The following PCDHA13 variants were observed in gnomAD, a reference collection of about 807,000 sequenced individuals.
PCDHA13 encodes protocadherin alpha 13, also known as protocadherin alpha-13.
PCDHA13 carries 54 observed loss-of-function variants against 64.8 expected under a neutral mutation model. That is an observed-to-expected ratio of 0.83 (90% CI 0.67 to 1.04). The LOEUF (loss-of-function observed/expected upper bound fraction) is 1.04, where lower values mean the gene tolerates loss of function less well. Ranked by LOEUF, PCDHA13 falls within the 50% of genes least tolerant of loss-of-function variation. The pLI is 0.00. For missense variants in PCDHA13, 1,248 were observed against 1,254.3 expected (o/e 0.99, Z 0.08); for synonymous variants, 587 against 564.4 (o/e 1.04, Z -0.57).
intron 3 of PCDHA13, among the ~76,000 whole-genome samples, chr5:141,003,222 G>A (rs1221950770): frequency 2.6e-5 from 4 of 152,224 alleles, no homozygotes; most frequent in Non-Finnish European, 4.4e-5. Flanking sequence ...CATGAAAGAG[G>A]AAAGCTGGAA....
Position 140,968,348 on chromosome 5 carries a change from A to G in PCDHA13, c.2395-10601A>G, listed in dbSNP as rs782567344. The stretch of plus-strand genomic sequence containing the variant: ...CTCCTATGTCTCCATTAACAGTGCC[A>G]GTGGCAGCCTTTATGCTGTCAACTC... On this transcript the variant is annotated intron_variant, in intron 1 of 3. Coordinates refer to ENST00000289272, the MANE Select transcript of PCDHA13 (RefSeq NM_018904.3). 1 of 1,614,124 alleles carries G rather than the reference A, an allele frequency of 6.2e-7. No individual in the cohort carries two copies. The highest frequency in any genetic ancestry group is 2.2e-5 in the East Asian group (1 of 44,886).
intron 1 of PCDHA13, chr5:140,967,882 C>T (rs1323816592): frequency 1.2e-6 from 2 of 1,614,108 alleles, no homozygotes. Context: ...ACCTGTATAG[C>T]CCAGTGCCTG....
intron 3 of PCDHA13, among the ~76,000 whole-genome samples, chr5:141,008,968 T>C (rs1241825350): frequency 6.6e-6 from 1 of 152,256 alleles, no homozygotes; most frequent in Non-Finnish European, 1.5e-5. Flanking sequence ...AATACATTTA[T>C]AGCCAAAGTT....
chr5:140,992,798 CAT>C (rs1554253202), intron 3 of PCDHA13, among the ~76,000 whole-genome samples: 1 of 152,076 alleles, frequency 6.6e-6, no homozygotes, highest in African/African-American at 2.4e-5. Context: ...TTTATGGATC[CAT>C]ATGTATCTAA....
At position 140,882,427 on chromosome 5, in the gene PCDHA13, G is replaced by A; in HGVS notation, c.159G>A (p.Gly53=). The change falls in exon 1 of 4, where the codon GGG becomes GGA. Residue 53 remains glycine, a synonymous_variant. Transcript: ENST00000289272. ...TGGGCCGCATCGCTCAGGACCTGGG[G>A]CTGGAGCTGGCGGAGCTGGTGCCGC... is the stretch of plus-strand genomic sequence containing the variant. ...TFVGRIAQDL[G]LELAELVPRL... The A allele has an allele frequency of 6.2e-7, 1 of 1,614,090 alleles. No homozygotes were observed. Among genetic ancestry groups the A allele is most frequent in the Non-Finnish European group, 8.5e-7 (1 of 1,180,044 alleles).
intron 3 of PCDHA13, among the ~76,000 whole-genome samples, chr5:140,986,055 T>C (rs2097185833): frequency 6.6e-6 from 1 of 152,164 alleles, no homozygotes; most frequent in African/African-American, 2.4e-5. Context: ...ATGAATTCTT[T>C]TGCTTTTTAA....
At chr5:140,953,413 C>T (rs965115726) in intron 1 of PCDHA13, among the ~76,000 whole-genome samples, 1 of 152,120 alleles carries the variant, frequency 6.6e-6, no homozygotes, top group Non-Finnish European at 1.5e-5. Context: ...GCTCCTGGCT[C>T]CTCCCCTTTG....
intron 2 of PCDHA13, among the ~76,000 whole-genome samples, chr5:140,980,840 A>G (rs1248070793): frequency 1.3e-5 from 2 of 152,200 alleles, no homozygotes; most frequent in African/African-American, 4.8e-5. Context: ...GAACCTAAAT[A>G]ATACTAATCT....
chr5:141,004,591 A>G (rs1277305361), intron 3 of PCDHA13, among the ~76,000 whole-genome samples: 3 of 152,222 alleles, frequency 2.0e-5, no homozygotes, highest in Non-Finnish European at 2.9e-5. Context: ...TCTCCAGATG[A>G]CAGTGCTTAG....
intron 1 of PCDHA13, among the ~76,000 whole-genome samples, chr5:140,977,204 A>G (rs1051271481): frequency 9.9e-5 from 15 of 152,170 alleles, no homozygotes; most frequent in Non-Finnish European, 1.6e-4. Context: ...AGTTGCAGCA[A>G]TTTTCATCAT....
rs782071598 is a variant in PCDHA13 at position 140,883,785 on chromosome 5, G to C, written c.1517G>C (p.Ser506Thr). The change falls in exon 1 of 4, where the codon AGC becomes ACC. Residue 506 changes from serine (S) to threonine (T), a missense_variant. Ser to Thr is a moderately conservative substitution (Grantham distance 58). Coordinates refer to ENST00000289272, the MANE Select transcript of PCDHA13 (RefSeq NM_018904.3). Reference protein sequence around the residue: ...ERRVGERALSSYVSVHAESGK... With the variant: ...ERRVGERALSTYVSVHAESGK... ...CGGGTGGGCGAGCGTGCGCTGTCGA[G>C]CTACGTGTCGGTGCACGCGGAGAGC... The C allele has an allele frequency of 1.3e-5, 21 of 1,612,402 alleles. No individual in the cohort carries two copies. In the East Asian group the frequency reaches 4.0e-4, roughly 31 times the overall value.
In PCDHA13 at chr5:140,992,699, T is replaced by A. The variant is rs149489820; in HGVS notation, c.2542+10136T>A. Among the ~76,000 whole-genome samples the A allele has an allele frequency of 7.6e-3, 1,153 of 152,282 alleles. 6 individuals carry two copies. The highest frequency in any genetic ancestry group is 0.014 in the Middle Eastern group (4 of 294). On this transcript the variant is annotated intron_variant, in intron 3 of 3. Transcript: ENST00000289272. ...GTGTTAGGGGTTGAGGGGTGGGTAA[T>A]GTTCCTGCCAGTATTCGTAAATCCC...
chr5:140,986,793 G>A lies in PCDHA13; in HGVS notation c.2542+4230G>A, dbSNP rs945707149. 6.6e-5 allele frequency among the ~76,000 whole-genome samples: 10 copies of A among 152,312 alleles called. No homozygotes were observed. In the East Asian group the frequency reaches 1.7e-3, roughly 26 times the overall value. ...TTAGGTAGCGGAAGCCACTAAGGCA[G>A]TGAGTCTTAGTTAGAGAACTTTGGT... On this transcript the variant is annotated intron_variant, in intron 3 of 3. Coordinates refer to ENST00000289272, the MANE Select transcript of PCDHA13 (RefSeq NM_018904.3).
At chr5:141,007,402 A>G in intron 3 of PCDHA13, among the ~76,000 whole-genome samples, 2 of 149,740 alleles carry the variant, frequency 1.3e-5, no homozygotes. Context: ...ATACAAAAAA[A>G]AAAAAAAAAA....
intron 1 of PCDHA13, among the ~76,000 whole-genome samples, chr5:140,974,144 A>G (rs868918794): frequency 5.9e-5 from 9 of 152,268 alleles, no homozygotes; most frequent in African/African-American, 1.7e-4. Context: ...CCTGAAAACT[A>G]TACAAGGGTT....
At position 140,882,152 on chromosome 5, in the gene PCDHA13, GA is replaced by G; in HGVS notation, c.-115del. The G allele has an allele frequency of 6.6e-7, 1 of 1,505,314 alleles. No individual in the cohort carries two copies. Among genetic ancestry groups the G allele is most frequent in the East Asian group, 2.3e-5 (1 of 43,894 alleles). The allele number at this position is 1,505,314 out of a possible 1,614,324, so 93.2% of individuals were successfully genotyped here. ...CCTGCAGAAAATATAGCAGAAAGCG[GA>G]ATACCTCTTGCGAATCCTTCCGCAC... On this transcript the variant is annotated 5_prime_UTR_variant, in exon 1 of 4. Transcript: ENST00000289272.
intron 3 of PCDHA13, among the ~76,000 whole-genome samples, chr5:140,987,383 G>A (rs2097252098): frequency 6.6e-6 from 1 of 152,138 alleles, no homozygotes; most frequent in Admixed American, 6.5e-5. Flanking sequence ...GGGTCAGAAT[G>A]CATGCAAGGA....
At chr5:140,891,504 A>G (rs1225432214) in intron 1 of PCDHA13, among the ~76,000 whole-genome samples, 1 of 151,662 alleles carries the variant, frequency 6.6e-6, no homozygotes, top group Non-Finnish European at 1.5e-5. Context: ...CTCAGCTATA[A>G]TGTTCTCCAA....
intron 1 of PCDHA13, chr5:140,928,844 C>T (rs782361945): frequency 1.2e-6 from 2 of 1,614,168 alleles, no homozygotes; most frequent in Non-Finnish European, 1.7e-6. Flanking sequence ...TCCTCTGTCA[C>T]TCTGGGTGTG....
Sources: gnomAD v4.1 joint callset for allele counts (sites outside exome capture counted in the v4.1 genomes callset) on GRCh38, gnomAD v4.1.1 for gene constraint, MANE v1.5 for transcripts, NCBI Gene and HGNC (gene_info 2026-07-23, HGNC 2026-07-21) for gene names.